The following TRHR variants were observed in gnomAD, a reference collection of about 807,000 sequenced individuals.
The protein encoded by TRHR is thyrotropin-releasing hormone receptor.
A neutral mutation model predicts 28.0 loss-of-function variants in TRHR; 14 were observed. The ratio of observed to expected loss-of-function variants is 0.50; its 90% CI spans 0.33 to 0.78. TRHR has a LOEUF of 0.78. TRHR is among the 30% of genes least tolerant of loss of function. The pLI is 0.02. For missense variants in TRHR, 438 were observed against 469.5 expected (o/e 0.93, Z 0.62); for synonymous variants, 176 against 171.9 (o/e 1.02, Z -0.18).
intron 2 of TRHR, among the ~76,000 whole-genome samples, chr8:109,100,728 A>G (rs1811666914): frequency 6.6e-6 from 1 of 152,164 alleles, no homozygotes; most frequent in African/African-American, 2.4e-5. Context: ...TTATCATAGT[A>G]AAAACACAAA....
At position 109,119,397 on chromosome 8, in the gene TRHR, CAA is replaced by C; in HGVS notation, c.1142_1143del (p.Lys381SerfsTer4). On this transcript the variant is annotated frameshift_variant, in exon 3 of 3. Coordinates refer to ENST00000518632, the MANE Select transcript of TRHR (RefSeq NM_003301.7). LOFTEE classifies it high-confidence loss of function. The stretch of plus-strand genomic sequence containing the variant: ...GTCACTGACACTTACCTGTCTGCCA[CAA>C]AAGTGTCTTTTGATGACACCTGCTT... 1 of 1,612,360 alleles carries C rather than the reference CAA, an allele frequency of 6.2e-7. No homozygotes were observed. The highest frequency in any genetic ancestry group is 8.5e-7 in the Non-Finnish European group (1 of 1,178,992).
intron 2 of TRHR, among the ~76,000 whole-genome samples, chr8:109,090,116 A>G (rs960113756): frequency 1.3e-5 from 2 of 152,222 alleles, no homozygotes; most frequent in African/African-American, 4.8e-5. Context: ...TTCAAACTCT[A>G]TAAACTTGGA....
chr8:109,087,435 C>T lies in TRHR; in HGVS notation c.-78C>T. 1 of 1,495,950 alleles carries T rather than the reference C, an allele frequency of 6.7e-7. No individual in the cohort carries two copies. The highest frequency in any genetic ancestry group is 1.1e-5 in the South Asian group (1 of 87,756). The allele number at this position is 1,495,950 out of a possible 1,614,324, so 92.7% of individuals were successfully genotyped here. On this transcript the variant is annotated 5_prime_UTR_variant, in exon 2 of 3. Transcript: ENST00000518632. ...TATGACCCTTCACAGGGGGATGGAA[C>T]TGCTGCAATAAAGGTGGGCGCTGGA...
chr8:109,117,925 T>C (rs1373663725), intron 2 of TRHR, among the ~76,000 whole-genome samples: 1 of 152,104 alleles, frequency 6.6e-6, no homozygotes, highest in African/African-American at 2.4e-5. Flanking sequence ...ATACGTAGCC[T>C]TAATATCCTA....
Position 109,087,587 on chromosome 8 carries a change from G to A in TRHR, c.75G>A (p.Gln25=). The change falls in exon 2 of 3, where the codon CAG becomes CAA. Residue 25 remains glutamine (Q), a synonymous_variant. Coordinates refer to ENST00000518632, the MANE Select transcript of TRHR (RefSeq NM_003301.7). ...QPRAVVALEY[Q]VVTILLVLII... ...GAGCAGTGGTGGCCTTAGAATACCA[G>A]GTGGTCACCATCTTACTTGTACTCA... The A allele has an allele frequency of 6.2e-7, 1 of 1,614,188 alleles. No individual in the cohort carries two copies. Among genetic ancestry groups the A allele is most frequent in the Non-Finnish European group, 8.5e-7 (1 of 1,180,032 alleles).
chr8:109,109,276 G>A (rs972745638), intron 2 of TRHR, among the ~76,000 whole-genome samples: 6 of 151,906 alleles, frequency 3.9e-5, no homozygotes, highest in African/African-American at 9.7e-5. Flanking sequence ...AAAATTCAAT[G>A]CATAATAGTA....
intron 2 of TRHR, among the ~76,000 whole-genome samples, chr8:109,096,032 C>T (rs1282767997): frequency 1.3e-5 from 2 of 152,126 alleles, no homozygotes; most frequent in African/African-American, 4.8e-5. Context: ...ACTAAAGGAT[C>T]TCTCTAACAC....
Position 109,119,995 on chromosome 8 carries a change from G to A in TRHR, c.*540G>A, listed in dbSNP as rs914595399. 2.6e-5 allele frequency among the ~76,000 whole-genome samples: 4 copies of A among 151,770 alleles called. No individual in the cohort carries two copies. The highest frequency in any genetic ancestry group is 5.9e-5 in the Non-Finnish European group (4 of 67,872). On this transcript the variant is annotated 3_prime_UTR_variant, in exon 3 of 3. Transcript: ENST00000518632. ...TAAAAATAAGATTTTAGACATACAT[G>A]TTAACTGTATTTTAAAAGTTGCCAT... is the stretch of plus-strand genomic sequence containing the variant.
At chr8:109,093,447 C>T (rs970132886) in intron 2 of TRHR, among the ~76,000 whole-genome samples, 2 of 133,912 alleles carry the variant, frequency 1.5e-5, no homozygotes, top group Non-Finnish European at 1.5e-5. Context: ...CACCCTGTCA[C>T]CAGGCTGGAG....
At chr8:109,089,986 A>C (rs1018339910) in intron 2 of TRHR, among the ~76,000 whole-genome samples, 1 of 152,194 alleles carries the variant, frequency 6.6e-6, no homozygotes, top group Admixed American at 6.5e-5. Flanking sequence ...ATTATGTTAC[A>C]TGTTCACAGT....
chr8:109,090,930 A>C (rs1586184305), intron 2 of TRHR, among the ~76,000 whole-genome samples: 1 of 152,096 alleles, frequency 6.6e-6, no homozygotes, highest in African/African-American at 2.4e-5. Flanking sequence ...GTGAAAGTGA[A>C]AGAAGAGAAA....
intron 2 of TRHR, among the ~76,000 whole-genome samples, chr8:109,097,426 C>T (rs1811611445): frequency 1.3e-5 from 2 of 152,196 alleles, no homozygotes; most frequent in Admixed American, 1.3e-4. Flanking sequence ...CATCCGTTAT[C>T]TCTTCAATTC....
chr8:109,090,595 T>C (rs1811503270), intron 2 of TRHR, among the ~76,000 whole-genome samples: 1 of 152,188 alleles, frequency 6.6e-6, no homozygotes, highest in South Asian at 2.1e-4. Flanking sequence ...GTGTGTCTTG[T>C]AATTCAACCC....
At chr8:109,105,030 T>C (rs1359429976) in intron 2 of TRHR, among the ~76,000 whole-genome samples, 3 of 152,142 alleles carry the variant, frequency 2.0e-5, no homozygotes, top group Non-Finnish European at 2.9e-5. Context: ...ATCTGTCCCA[T>C]TTGCATATGT....
intron 2 of TRHR, among the ~76,000 whole-genome samples, chr8:109,106,409 T>C (rs552961542): frequency 6.6e-6 from 1 of 152,280 alleles, no homozygotes; most frequent in African/African-American, 2.4e-5. Context: ...CAATATTCAG[T>C]AATAGGAAAT....
rs1399008378 is a variant in TRHR at position 109,121,403 on chromosome 8, T to A, written c.*1948T>A. Among the ~76,000 whole-genome samples the A allele has an allele frequency of 6.6e-6, 1 of 151,694 alleles. No homozygotes were observed. Among genetic ancestry groups the A allele is most frequent in the Non-Finnish European group, 1.5e-5 (1 of 67,774 alleles). ...TTTTTTCATTACAGAAAGGACCTAA[T>A]ATCATTGAGCATCGACTATGTCTCA... On this transcript the variant is annotated 3_prime_UTR_variant, in exon 3 of 3. Coordinates refer to ENST00000518632, the MANE Select transcript of TRHR (RefSeq NM_003301.7).
At chr8:109,110,764 C>T (rs1039699324) in intron 2 of TRHR, among the ~76,000 whole-genome samples, 13 of 152,188 alleles carry the variant, frequency 8.5e-5, no homozygotes, top group African/African-American at 2.4e-4. Context: ...AAGTTGATGT[C>T]AAGCCCTTTT....
At chr8:109,117,627 A>G (rs781312810) in intron 2 of TRHR, among the ~76,000 whole-genome samples, 26 of 151,948 alleles carry the variant, frequency 1.7e-4, no homozygotes, top group Non-Finnish European at 2.9e-5. Flanking sequence ...GGTGTGGTTC[A>G]TAATGACGAA....
intron 2 of TRHR, among the ~76,000 whole-genome samples, chr8:109,110,490 C>A (rs1403176202): frequency 6.6e-6 from 1 of 151,980 alleles, no homozygotes; most frequent in Non-Finnish European, 1.5e-5. Flanking sequence ...TATTGTGAAT[C>A]CCTGCTAATA....
Sources: gnomAD v4.1 joint callset for allele counts (sites outside exome capture counted in the v4.1 genomes callset) on GRCh38, gnomAD v4.1.1 for gene constraint, MANE v1.5 for transcripts, NCBI Gene and HGNC (gene_info 2026-07-23, HGNC 2026-07-21) for gene names.